GNAQ: variants seen among roughly 807,000 people sequenced by gnomAD.
The protein encoded by GNAQ is G protein subunit alpha q.
GNAQ carries 8 observed loss-of-function variants against 43.9 expected under a neutral mutation model. The ratio of observed to expected loss-of-function variants is 0.18; its 90% CI spans 0.11 to 0.33. The LOEUF (loss-of-function observed/expected upper bound fraction) is 0.33. Ranked by LOEUF, GNAQ falls within the 10% of genes least tolerant of loss-of-function variation. The probability of loss-of-function intolerance (pLI) is 1.00; values close to 1 mark genes in which losing one functional copy is unlikely to be tolerated. For missense variants in GNAQ, 158 were observed against 450.8 expected (o/e 0.35, Z 5.88); for synonymous variants, 155 against 170.7 (o/e 0.91, Z 0.71).
chr9:78,025,563 G>C (rs1418626212), intron 1 of GNAQ, among the ~76,000 whole-genome samples: 1 of 152,144 alleles, frequency 6.6e-6, no homozygotes, highest in Non-Finnish European at 1.5e-5. Flanking sequence ...ACTGCCTCCC[G>C]TTCCAACCAG....
chr9:77,905,913 C>T lies in GNAQ; in HGVS notation c.321+16248G>A, dbSNP rs556562313. Among the ~76,000 whole-genome samples, 4 of 152,190 alleles carry T rather than the reference C, an allele frequency of 2.6e-5. No homozygotes were observed. The South Asian group carries it at 8.3e-4, about 32-fold the overall frequency. Reference sequence around the variant, plus strand: ...CATGGACACAGGAAGGGGAACATCACAAACTGGGAGCTGTCAGGGGGTGGG... The same window carrying T: ...CATGGACACAGGAAGGGGAACATCATAAACTGGGAGCTGTCAGGGGGTGGG... On this transcript the variant is annotated intron_variant, in intron 2 of 6. Transcript: ENST00000286548.
intron 6 of GNAQ, among the ~76,000 whole-genome samples, chr9:77,723,740 C>T (rs1825355248): frequency 1.3e-5 from 2 of 152,084 alleles, no homozygotes; most frequent in Admixed American, 1.3e-4. Context: ...TTGGTAAACT[C>T]ATAAAGACAG....
chr9:77,736,156 A>C (rs760456931), intron 5 of GNAQ, among the ~76,000 whole-genome samples: 3 of 152,232 alleles, frequency 2.0e-5, no homozygotes, highest in Admixed American at 1.3e-4. Context: ...AGAAAACTGG[A>C]AAGTCATCCA....
At chr9:77,751,385 C>T (rs568026522) in intron 5 of GNAQ, among the ~76,000 whole-genome samples, 1 of 152,274 alleles carries the variant, frequency 6.6e-6, no homozygotes, top group South Asian at 2.1e-4. Flanking sequence ...TGAAACACTC[C>T]TGTATTGAAA....
chr9:77,982,328 C>T (rs868842444), intron 1 of GNAQ, among the ~76,000 whole-genome samples: 3 of 152,208 alleles, frequency 2.0e-5, no homozygotes, highest in Middle Eastern at 3.2e-3. Context: ...CACTTGACCA[C>T]TGATGTTGGC....
intron 2 of GNAQ, among the ~76,000 whole-genome samples, chr9:77,847,069 A>T (rs1827598710): frequency 6.6e-6 from 1 of 152,210 alleles, no homozygotes; most frequent in Admixed American, 6.5e-5. Context: ...TTAGTGATTT[A>T]GAAGGTGTTT....
intron 2 of GNAQ, among the ~76,000 whole-genome samples, chr9:77,837,084 C>T (rs1427074685): frequency 2.0e-5 from 3 of 152,236 alleles, no homozygotes; most frequent in Admixed American, 2.0e-4. Context: ...GGCTCTTCTT[C>T]AGGGTCTCCT....
At chr9:77,798,239 C>G (rs1433086748) in intron 3 of GNAQ, among the ~76,000 whole-genome samples, 1 of 152,068 alleles carries the variant, frequency 6.6e-6, no homozygotes, top group Non-Finnish European at 1.5e-5. Context: ...CAGATATTCC[C>G]AATGTTTGGA....
At chr9:77,997,382 G>A (rs1341398421) in intron 1 of GNAQ, among the ~76,000 whole-genome samples, 2 of 152,094 alleles carry the variant, frequency 1.3e-5, no homozygotes, top group Non-Finnish European at 2.9e-5. Flanking sequence ...ATTTTTCAGG[G>A]CTTAACTGCC....
intron 5 of GNAQ, among the ~76,000 whole-genome samples, chr9:77,760,168 CTCTA>C (rs2118325974): frequency 6.8e-6 from 1 of 147,974 alleles, no homozygotes; most frequent in East Asian, 2.0e-4. Flanking sequence ...TTATACCCAC[CTCTA>C]TCTAGTTCGA....
In GNAQ at chr9:77,929,345, G is replaced by A. The variant is rs1488316850; in HGVS notation, c.137-7000C>T. Among the ~76,000 whole-genome samples, 3 of 152,250 alleles carry A rather than the reference G, an allele frequency of 2.0e-5. No individual in the cohort carries two copies. In the East Asian group the frequency reaches 5.8e-4, roughly 29 times the overall value. ...GCTAATGAGGGAGAAGGTAAGACTG[G>A]AACCTACCAAGGTCTCTTATCTGTC... is the stretch of plus-strand genomic sequence containing the variant. On this transcript the variant is annotated intron_variant, in intron 1 of 6. Transcript: ENST00000286548.
At chr9:77,928,673 G>C (rs1287609106) in intron 1 of GNAQ, among the ~76,000 whole-genome samples, 2 of 152,124 alleles carry the variant, frequency 1.3e-5, no homozygotes, top group Admixed American at 1.3e-4. Flanking sequence ...AACATCAGTT[G>C]GTTGCAGAAC....
intron 1 of GNAQ, among the ~76,000 whole-genome samples, chr9:77,945,914 A>G (rs1199978734): frequency 1.3e-5 from 2 of 152,218 alleles, no homozygotes; most frequent in Non-Finnish European, 1.5e-5. Flanking sequence ...CCAAGTTTAC[A>G]TCCTCTAACT....
intron 1 of GNAQ, among the ~76,000 whole-genome samples, chr9:78,014,160 G>A (rs1231397740): frequency 1.3e-5 from 2 of 152,126 alleles, no homozygotes; most frequent in Non-Finnish European, 2.9e-5. Context: ...GTGAGAAAGA[G>A]AAAAGGAAAT....
intron 5 of GNAQ, among the ~76,000 whole-genome samples, chr9:77,738,155 C>A (rs550780882): frequency 1.3e-5 from 2 of 152,266 alleles, no homozygotes; most frequent in East Asian, 3.9e-4. Flanking sequence ...ATACCATAGT[C>A]AGTTTTTATT....
intron 3 of GNAQ, among the ~76,000 whole-genome samples, chr9:77,810,377 G>A (rs78928563): frequency 0.013 from 1,981 of 152,286 alleles, 41 homozygotes; most frequent in African/African-American, 0.045. Context: ...TACTAAGTAT[G>A]TGGCCTTGAA....
intron 2 of GNAQ, among the ~76,000 whole-genome samples, chr9:77,856,523 A>G (rs558619665): frequency 6.6e-6 from 1 of 152,264 alleles, no homozygotes; most frequent in African/African-American, 2.4e-5. Context: ...CATACACAAT[A>G]GTTTACAATT....
At chr9:77,808,235 G>A (rs543190260) in intron 3 of GNAQ, among the ~76,000 whole-genome samples, 242 of 151,994 alleles carry the variant, frequency 1.6e-3, no homozygotes, top group African/African-American at 5.6e-3. Context: ...TGTAATGAAG[G>A]TTAGAGTAGA....
chr9:77,994,684 T>C (rs746126295), intron 1 of GNAQ, among the ~76,000 whole-genome samples: 6 of 152,232 alleles, frequency 3.9e-5, no homozygotes, highest in Non-Finnish European at 7.3e-5. Flanking sequence ...CCTTCCTATC[T>C]AGCCTGAGTT....
Sources: gnomAD v4.1 joint callset for allele counts (sites outside exome capture counted in the v4.1 genomes callset) on GRCh38, gnomAD v4.1.1 for gene constraint, MANE v1.5 for transcripts, NCBI Gene and HGNC (gene_info 2026-07-23, HGNC 2026-07-21) for gene names.